POC5: variants seen among roughly 807,000 people sequenced by gnomAD.
POC5 encodes the protein POC5 centriolar protein.
POC5 carries 48 observed loss-of-function variants against 62.9 expected under a neutral mutation model. The observed-to-expected ratio is 0.76, with a 90% CI of 0.61 to 0.97. POC5 has a LOEUF of 0.97. Ranked by LOEUF, POC5 falls within the 50% of genes least tolerant of loss-of-function variation. The probability of loss-of-function intolerance (pLI) is 0.00; values close to 1 mark genes in which losing one functional copy is unlikely to be tolerated. For missense variants in POC5, 696 were observed against 679.5 expected, an observed-to-expected ratio of 1.02 and a Z score of -0.27; for synonymous variants, 236 against 228.2, an observed-to-expected ratio of 1.03 and a Z score of -0.31.
At chr5:75,696,691 C>T (rs542514478) in intron 5 of POC5, among the ~76,000 whole-genome samples, 9 of 152,282 alleles carry the variant, frequency 5.9e-5, no homozygotes, top group South Asian at 4.1e-4. Context: ...TCACCAGCAA[C>T]GGAACAAAGC....
chr5:75,708,383 G>A lies in POC5; in HGVS notation c.85-508C>T, dbSNP rs1366146811. Among the ~76,000 whole-genome samples, 5 of 152,138 alleles carry A rather than the reference G, an allele frequency of 3.3e-5. No individual in the cohort carries two copies. In the East Asian group the frequency reaches 7.7e-4, roughly 24 times the overall value. ...CAACAAAGTATGAAGAGGTGATAAG[G>A]TTCTGTGAGTGACTCAACACTGAAT... On this transcript the variant is annotated intron_variant, in intron 2 of 11. Transcript: ENST00000428202.
At chr5:75,689,830 C>T (rs186293235) in intron 8 of POC5, among the ~76,000 whole-genome samples, 2 of 152,120 alleles carry the variant, frequency 1.3e-5, no homozygotes, top group Admixed American at 6.5e-5. Flanking sequence ...AAATGTTTTC[C>T]CATGAAAACA....
intron 1 of POC5, among the ~76,000 whole-genome samples, chr5:75,715,477 G>A (rs953731414): frequency 3.1e-5 from 4 of 130,544 alleles, no homozygotes; most frequent in African/African-American, 1.1e-4. Flanking sequence ...GACAGTATGT[G>A]AGAGAGTGCA....
At chr5:75,697,794 T>C (rs7381040) in intron 5 of POC5, among the ~76,000 whole-genome samples, 34,350 of 147,362 alleles carry the variant, frequency 0.23, 4,280 homozygotes, top group South Asian at 0.29. Context: ...AGAGTCAAGA[T>C]CCATCAGTGT....
chr5:75,704,624 G>A (rs1291634507), intron 4 of POC5, among the ~76,000 whole-genome samples: 3 of 152,074 alleles, frequency 2.0e-5, no homozygotes, highest in Non-Finnish European at 2.9e-5. Context: ...CAAAGAAAGC[G>A]ATAGACTCTG....
chr5:75,676,102 T>C (rs747544337), intron 11 of POC5, among the ~76,000 whole-genome samples: 11 of 152,226 alleles, frequency 7.2e-5, no homozygotes, highest in Non-Finnish European at 1.2e-4. Context: ...GGGTTCTAAA[T>C]GTTTAGTACT....
intron 3 of POC5, among the ~76,000 whole-genome samples, chr5:75,707,223 C>T (rs1777157265): frequency 6.6e-6 from 1 of 152,184 alleles, no homozygotes; most frequent in African/African-American, 2.4e-5. Context: ...CAACACACAT[C>T]CTGGTTTATA....
At chr5:75,713,429 A>C (rs967274555) in intron 1 of POC5, among the ~76,000 whole-genome samples, 2 of 152,260 alleles carry the variant, frequency 1.3e-5, no homozygotes, top group African/African-American at 4.8e-5. Context: ...AAAATCATTA[A>C]AAGTACTTTT....
Position 75,677,782 on chromosome 5 carries a change from CTGGA to C in POC5, c.1572_1575del (p.His524GlnfsTer47). On this transcript the variant is annotated frameshift_variant, in exon 11 of 12. Coordinates refer to ENST00000428202, the MANE Select transcript of POC5 (RefSeq NM_001099271.2). LOFTEE classifies it high-confidence loss of function. ...ATCAAATGTGGACTCACCACTGTGA[CTGGA>C]TGATGTTTTTCCACAACAACTGAGC... 6.2e-7 allele frequency: 1 copy of C among 1,605,348 alleles called. No individual in the cohort carries two copies. The highest frequency in any genetic ancestry group is 8.5e-7 in the Non-Finnish European group (1 of 1,175,820).
At chr5:75,694,307 A>C (rs1050137970) in intron 6 of POC5, among the ~76,000 whole-genome samples, 3 of 152,242 alleles carry the variant, frequency 2.0e-5, no homozygotes, top group Non-Finnish European at 2.9e-5. Context: ...TTAGAAAGAA[A>C]AAAACTAGTG....
chr5:75,674,212 T>A lies in POC5; in HGVS notation c.*223A>T, dbSNP rs540021262. ...ATAAAGTCCAGTTTCTTTTTTAATT[T>A]AAAAAAGTTTTACTTAATTGCTTAA... On this transcript the variant is annotated 3_prime_UTR_variant, in exon 12 of 12. Coordinates refer to ENST00000428202, the MANE Select transcript of POC5 (RefSeq NM_001099271.2). The A allele has an allele frequency of 4.1e-5, 14 of 342,930 alleles. No homozygotes were observed. In the South Asian group the frequency reaches 1.4e-3, roughly 34 times the overall value. The allele number at this position is 342,930 out of a possible 1,614,324, so 21.2% of individuals were successfully genotyped here.
At position 75,694,794 on chromosome 5, in the gene POC5, T is replaced by C; in HGVS notation, c.551A>G (p.Asn184Ser). 1 of 1,569,242 alleles carries C rather than the reference T, an allele frequency of 6.4e-7. No homozygotes were observed. Among genetic ancestry groups the C allele is most frequent in the Middle Eastern group, 1.8e-4 (1 of 5,524 alleles). Reference sequence around the variant, plus strand: ...TTCCATTCGGTGCCAGTCAATAAAATTAAGTCTCCATTTACTTAGTTCAGA... The same window carrying C: ...TTCCATTCGGTGCCAGTCAATAAAACTAAGTCTCCATTTACTTAGTTCAGA... The part of the protein sequence containing the change: ...IISELSKWRL[N>S]FIDWHRMEMR... The change falls in exon 6 of 12, where the codon AAT (asparagine) becomes AGT (serine). Residue 184 changes from asparagine (N) to serine (S), a missense_variant. By Grantham distance (46) the Asn-to-Ser change is conservative. Transcript: ENST00000428202.
chr5:75,700,086 A>C (rs1434410580), intron 5 of POC5, among the ~76,000 whole-genome samples: 1 of 152,072 alleles, frequency 6.6e-6, no homozygotes, highest in Admixed American at 6.6e-5. Context: ...AACAAATGGA[A>C]GAACATTCCA....
At chr5:75,685,080 G>A in intron 10 of POC5, 127 bp downstream of exon 10, 1 of 991,948 alleles carries the variant, frequency 1.0e-6, no homozygotes, top group African/African-American at 1.6e-5. Flanking sequence ...TGTTAGCCAG[G>A]ATGGTCTCGA....
chr5:75,696,652 A>C (rs976823228), intron 5 of POC5, among the ~76,000 whole-genome samples: 22 of 151,170 alleles, frequency 1.5e-4, no homozygotes, highest in East Asian at 3.9e-4. Context: ...AAGCAGAGCG[A>C]CTCTCCTCCT....
At chr5:75,698,413 T>C (rs1776707002) in intron 5 of POC5, among the ~76,000 whole-genome samples, 1 of 151,826 alleles carries the variant, frequency 6.6e-6, no homozygotes, top group African/African-American at 2.4e-5. Context: ...ATTAAGAATC[T>C]CACTCAAAAC....
intron 3 of POC5, among the ~76,000 whole-genome samples, chr5:75,706,569 CTT>C (rs796946990): frequency 7.2e-6 from 1 of 139,842 alleles, no homozygotes; most frequent in East Asian, 2.0e-4. Flanking sequence ...AAAGTTTTTT[CTT>C]TTTTTTTTTT....
intron 6 of POC5, among the ~76,000 whole-genome samples, chr5:75,693,709 T>G (rs1776441593): frequency 6.6e-6 from 1 of 152,172 alleles, no homozygotes; most frequent in African/African-American, 2.4e-5. Flanking sequence ...ATGAAAACAC[T>G]TAAGTGCTAC....
At chr5:75,694,970 T>C (rs1776499559) in intron 5 of POC5, 139 bp from the exon 6 acceptor site, 2 of 610,248 alleles carry the variant, frequency 3.3e-6, no homozygotes, top group Admixed American at 3.8e-5. Context: ...AACACATTAA[T>C]GAAAAACATA....
Sources: allele counts gnomAD v4.1 joint callset (sites outside exome capture counted in the v4.1 genomes callset), GRCh38; gene constraint gnomAD v4.1.1; transcripts MANE v1.5; gene names NCBI Gene and HGNC (gene_info 2026-07-23, HGNC 2026-07-21).